The following CEP164 variants were observed in gnomAD, a reference collection of about 807,000 sequenced individuals.
The protein encoded by CEP164 is centrosomal protein 164, also known as centrosomal protein of 164 kDa.
A neutral mutation model predicts 182.7 loss-of-function variants in CEP164; 162 were observed. That is an observed-to-expected ratio of 0.89 (90% CI 0.78 to 1.01). The LOEUF is 1.01. Among genes scored for constraint, CEP164 ranks in the 50% least tolerant of loss-of-function variants. CEP164 has a pLI of 0.00. For missense variants in CEP164, 1,735 were observed against 1,790.4 expected, an observed-to-expected ratio of 0.97 and a Z score of 0.56; for synonymous variants, 661 against 690.0, an observed-to-expected ratio of 0.96 and a Z score of 0.66.
At chr11:117,346,737 A>G (rs1379560356) in intron 4 of CEP164, among the ~76,000 whole-genome samples, 1 of 151,880 alleles carries the variant, frequency 6.6e-6, no homozygotes, top group Non-Finnish European at 1.5e-5. Flanking sequence ...GATGACATGC[A>G]CCTTTAGTCC....
intron 4 of CEP164, among the ~76,000 whole-genome samples, chr11:117,351,387 T>C (rs1342419982): frequency 6.6e-6 from 1 of 152,222 alleles, no homozygotes; most frequent in African/African-American, 2.4e-5. Context: ...TTCCTTAGAC[T>C]GTTTATTAAA....
chr11:117,343,765 G>A (rs2038476912), intron 3 of CEP164, among the ~76,000 whole-genome samples: 1 of 151,852 alleles, frequency 6.6e-6, no homozygotes, highest in Non-Finnish European at 1.5e-5. Context: ...CGAGTAGCTG[G>A]GATTACAGAT....
intron 23 of CEP164, 38 bp downstream of exon 23, chr11:117,395,229 T>A: frequency 6.2e-7 from 1 of 1,603,068 alleles, no homozygotes; most frequent in Non-Finnish European, 8.5e-7. Context: ...CTGTTCTTCC[T>A]CCATTTCCTG....
At chr11:117,404,537 AG>A (rs1256726870) in intron 27 of CEP164, among the ~76,000 whole-genome samples, 1 of 152,154 alleles carries the variant, frequency 6.6e-6, no homozygotes, top group Non-Finnish European at 1.5e-5. Context: ...TTTGTCCCAG[AG>A]GGGCACCCAC....
chr11:117,329,874 G>A (rs1202046033), intron 1 of CEP164, among the ~76,000 whole-genome samples: 1 of 115,520 alleles, frequency 8.7e-6, no homozygotes, highest in East Asian at 2.9e-4. Context: ...ACTTTGCTAA[G>A]CCTCAGTTTC....
intron 9 of CEP164, 121 bp downstream of exon 9, chr11:117,371,587 C>T (rs1034262977): frequency 5.0e-6 from 6 of 1,201,876 alleles, no homozygotes; most frequent in African/African-American, 3.1e-5. Context: ...TTGCGTGTCC[C>T]TGCACTGGGC....
At chr11:117,356,417 G>A in intron 5 of CEP164, 1 of 1,231,544 alleles carries the variant, frequency 8.1e-7, no homozygotes, top group South Asian at 1.4e-5. Flanking sequence ...CAGAGTCATG[G>A]AGAGGGACTC....
intron 14 of CEP164, 166 bp from the exon 15 acceptor site, chr11:117,387,037 A>G: frequency 1.5e-6 from 1 of 647,612 alleles, no homozygotes; most frequent in Admixed American, 2.7e-5. Flanking sequence ...CTATGGAACA[A>G]GCATTGACTG....
At chr11:117,361,515 C>T (rs1003051336) in intron 5 of CEP164, among the ~76,000 whole-genome samples, 1 of 152,040 alleles carries the variant, frequency 6.6e-6, no homozygotes, top group African/African-American at 2.4e-5. Context: ...GGTAGGATTA[C>T]AGGACTGAGC....
rs1444193382 is a variant in CEP164, at chr11:117,390,831, AGAG to A, written c.1995_1997del (p.Glu666del). ...TTGAGGAGGAGGAGGCCCGGATGAG[AGAG>A]GAGGAAAGCCAGAGGCTATCCTGGC... On this transcript the variant is annotated inframe_deletion, in exon 16 of 33. Transcript: ENST00000278935. 1 of 1,613,604 alleles carries A rather than the reference AGAG, an allele frequency of 6.2e-7. No homozygotes were observed. The highest frequency in any genetic ancestry group is 1.7e-5 in the Admixed American group (1 of 59,960).
At chr11:117,372,692 C>T (rs938525142) in intron 9 of CEP164, among the ~76,000 whole-genome samples, 3 of 152,176 alleles carry the variant, frequency 2.0e-5, no homozygotes, top group African/African-American at 7.2e-5. Flanking sequence ...GCTGGGATTA[C>T]AGGCGTGAGC....
intron 6 of CEP164, among the ~76,000 whole-genome samples, chr11:117,362,199 T>G (rs1216926270): frequency 6.6e-6 from 1 of 152,192 alleles, no homozygotes; most frequent in Non-Finnish European, 1.5e-5. Flanking sequence ...GGGACATCAG[T>G]GCTGATTTCC....
At chr11:117,346,521 T>C (rs1490050314) in intron 4 of CEP164, among the ~76,000 whole-genome samples, 2 of 151,548 alleles carry the variant, frequency 1.3e-5, no homozygotes, top group African/African-American at 4.8e-5. Context: ...CCTCCCAAAG[T>C]GCTGGGATTA....
chr11:117,333,136 C>G (rs549514953), intron 1 of CEP164, among the ~76,000 whole-genome samples: 4 of 152,266 alleles, frequency 2.6e-5, no homozygotes, highest in African/African-American at 7.2e-5. Flanking sequence ...CCTGAGCCCC[C>G]CAAGTAGCTG....
At chr11:117,328,702 A>G (rs527703356) in intron 1 of CEP164, among the ~76,000 whole-genome samples, 1 of 152,088 alleles carries the variant, frequency 6.6e-6, no homozygotes, top group South Asian at 2.1e-4. Flanking sequence ...TTTTATCTCA[A>G]TGAAGGGCTT....
intron 5 of CEP164, among the ~76,000 whole-genome samples, chr11:117,360,104 T>A (rs1413614867): frequency 1.3e-5 from 2 of 152,160 alleles, no homozygotes; most frequent in Non-Finnish European, 2.9e-5. Flanking sequence ...GTCCTTCTTT[T>A]GTTGCTCATG....
intron 1 of CEP164, among the ~76,000 whole-genome samples, chr11:117,334,822 T>C (rs1194448395): frequency 6.6e-6 from 1 of 151,812 alleles, no homozygotes; most frequent in Non-Finnish European, 1.5e-5. Context: ...TAGATCATTA[T>C]GTATATAGCA....
At chr11:117,405,985 T>C (rs191089979) in intron 27 of CEP164, among the ~76,000 whole-genome samples, 17 of 152,366 alleles carry the variant, frequency 1.1e-4, no homozygotes, top group Admixed American at 2.0e-4. Flanking sequence ...TTCCAAACTT[T>C]CCCACATTTT....
intron 27 of CEP164, among the ~76,000 whole-genome samples, chr11:117,398,691 G>A (rs924232067): frequency 6.6e-6 from 1 of 152,252 alleles, no homozygotes; most frequent in African/African-American, 2.4e-5. Context: ...TGCATCCTCT[G>A]AAACCATGGG....
Sources: allele counts gnomAD v4.1 joint callset (sites outside exome capture counted in the v4.1 genomes callset), GRCh38; gene constraint gnomAD v4.1.1; transcripts MANE v1.5; gene names NCBI Gene and HGNC (gene_info 2026-07-23, HGNC 2026-07-21).